ZFHX3: variants seen among roughly 807,000 people sequenced by gnomAD.
ZFHX3 encodes zinc finger homeobox protein 3.
ZFHX3 carries 42 observed loss-of-function variants against 279.1 expected under a neutral mutation model. That is an observed-to-expected ratio of 0.15 (90% confidence interval 0.12 to 0.19). The LOEUF (loss-of-function observed/expected upper bound fraction) is 0.19. Ranked by LOEUF, ZFHX3 falls within the 10% of genes least tolerant of loss-of-function variation. The pLI is 1.00. For missense variants in ZFHX3, 4,981 were observed against 4,754.0 expected (o/e 1.05, Z -1.40); for synonymous variants, 2,293 against 1,957.8 (o/e 1.17, Z -4.52).
At chr16:72,960,215 G>A in intron 1 of ZFHX3, 21 bp from the exon 2 acceptor site, 2 of 1,480,574 alleles carry the variant, frequency 1.4e-6, no homozygotes, top group Non-Finnish European at 1.8e-6. Context: ...GAGGCAAGGG[G>A]GGAGGAGGGA....
intron 1 of ZFHX3, among the ~76,000 whole-genome samples, chr16:73,868,193 A>T (rs972032394): frequency 1.8e-4 from 28 of 152,258 alleles, no homozygotes; most frequent in African/African-American, 6.8e-4. Flanking sequence ...CCTGATGGTG[A>T]AATCTACAGT....
In ZFHX3 at chr16:72,934,278, GT is replaced by G. The variant is rs1222787506; in HGVS notation, c.3216+16190del. On this transcript the variant is annotated intron_variant, in intron 3 of 9. Coordinates refer to ENST00000268489, the MANE Select transcript of ZFHX3 (RefSeq NM_006885.4). ...CGTGTCTGTTAAAAATACAAAAAAAGTTAGCCGGGCCTGGTGGCGGGCGCCT... is the reference window on the plus strand; with the variant it reads ...CGTGTCTGTTAAAAATACAAAAAAAGTAGCCGGGCCTGGTGGCGGGCGCCT... Among the ~76,000 whole-genome samples the G allele has an allele frequency of 6.6e-5, 10 of 151,980 alleles. 1 individual carries two copies. In the East Asian group the frequency reaches 1.8e-3, roughly 27 times the overall value.
In ZFHX3 at chr16:73,732,229, A is replaced by G. The variant is rs548251476; in HGVS notation, c.-1607-51989T>C. 3.3e-5 allele frequency among the ~76,000 whole-genome samples: 5 copies of G among 152,316 alleles called. No homozygotes were observed. In the South Asian group the frequency reaches 1.0e-3, roughly 32 times the overall value. On this transcript the variant is annotated intron_variant, in intron 1 of 17. Coordinates refer to the ZFHX3 transcript ENST00000641206. ...AGGAAGGTTGACTCCGAATTTCAACACTTACTATTAACACCCAGGCTTTGT... is the reference window on the plus strand; with the variant it reads ...AGGAAGGTTGACTCCGAATTTCAACGCTTACTATTAACACCCAGGCTTTGT...
intron 3 of ZFHX3, among the ~76,000 whole-genome samples, chr16:72,925,557 C>T (rs967320046): frequency 2.6e-5 from 4 of 152,234 alleles, no homozygotes; most frequent in African/African-American, 9.6e-5. Flanking sequence ...GGTCACATTT[C>T]CCAGGTTTGC....
chr16:73,264,925 C>A (rs1451655730), intron 4 of ZFHX3, among the ~76,000 whole-genome samples: 1 of 151,420 alleles, frequency 6.6e-6, no homozygotes, highest in Admixed American at 6.6e-5. Flanking sequence ...CTTTTTATGG[C>A]TGAGTAGTAT....
intron 1 of ZFHX3, among the ~76,000 whole-genome samples, chr16:73,025,392 G>A (rs1295660635): frequency 6.6e-6 from 1 of 152,174 alleles, no homozygotes; most frequent in Non-Finnish European, 1.5e-5. Flanking sequence ...TGGATTTGAT[G>A]TCAAGTGTCA....
At chr16:73,163,478 C>G (rs555381349) in intron 5 of ZFHX3, among the ~76,000 whole-genome samples, 1 of 152,306 alleles carries the variant, frequency 6.6e-6, no homozygotes, top group African/African-American at 2.4e-5. Flanking sequence ...TTGATGTATT[C>G]TCTATGATGC....
chr16:73,068,066 G>C (rs1422321877), intron 8 of ZFHX3, among the ~76,000 whole-genome samples: 1 of 152,136 alleles, frequency 6.6e-6, no homozygotes, highest in Non-Finnish European at 1.5e-5. Context: ...TTAGCTCCCT[G>C]CCAGGCACTT....
intron 4 of ZFHX3, among the ~76,000 whole-genome samples, chr16:73,296,877 ATTT>A (rs201366558): frequency 0.023 from 2,629 of 116,104 alleles, 222 homozygotes; most frequent in African/African-American, 0.086. Flanking sequence ...TGAAGCAGGA[ATTT>A]TTTTTTTTTT....
In ZFHX3 at chr16:73,673,133, TA is replaced by T. The variant is rs561115223; in HGVS notation, c.-1547+7046del. 2.6e-5 allele frequency among the ~76,000 whole-genome samples: 4 copies of T among 152,198 alleles called. No homozygotes were observed. The South Asian group carries it at 8.3e-4, about 32-fold the overall frequency. On this transcript the variant is annotated intron_variant, in intron 2 of 17. Coordinates refer to the ZFHX3 transcript ENST00000641206. Reference sequence around the variant, plus strand: ...GTTTAGTTCAAATTAATATATTAAATAAAACTGTTTTTCAAAAGGCAAGGGA... The same window carrying T: ...GTTTAGTTCAAATTAATATATTAAATAAACTGTTTTTCAAAAGGCAAGGGA...
intron 5 of ZFHX3, among the ~76,000 whole-genome samples, chr16:72,824,676 T>C (rs1451865499): frequency 1.3e-5 from 2 of 152,198 alleles, no homozygotes; most frequent in Non-Finnish European, 2.9e-5. Context: ...AATAACCATC[T>C]TGCTATGATT....
At chr16:73,594,056 A>G (rs1469622370) in intron 2 of ZFHX3, among the ~76,000 whole-genome samples, 1 of 152,190 alleles carries the variant, frequency 6.6e-6, no homozygotes, top group Non-Finnish European at 1.5e-5. Flanking sequence ...AAGCGGTGTG[A>G]AAGGTAAAAA....
chr16:73,792,861 C>G (rs1392078306), intron 1 of ZFHX3, among the ~76,000 whole-genome samples: 1 of 146,362 alleles, frequency 6.8e-6, no homozygotes, highest in Non-Finnish European at 1.5e-5. Context: ...AGTGCACCCC[C>G]CCCCTCCCCT....
At chr16:73,416,135 A>AAC (rs1416840976) in intron 3 of ZFHX3, among the ~76,000 whole-genome samples, 4 of 150,742 alleles carry the variant, frequency 2.7e-5, no homozygotes, top group South Asian at 2.1e-4. Flanking sequence ...AAAAAAAAAA[A>AAC]AAACAAAAAA....
intron 1 of ZFHX3, among the ~76,000 whole-genome samples, chr16:73,842,790 C>G (rs115326102): frequency 3.9e-5 from 6 of 152,130 alleles, no homozygotes; most frequent in Non-Finnish European, 8.8e-5. Context: ...GGTAGATACC[C>G]GACTTTGTTT....
intron 4 of ZFHX3, among the ~76,000 whole-genome samples, chr16:73,274,036 C>T (rs867511682): frequency 3.9e-5 from 6 of 152,016 alleles, no homozygotes; most frequent in East Asian, 3.9e-4. Context: ...CCCAGCTACT[C>T]GGGAGGCTGA....
At chr16:73,160,242 T>C (rs1046817449) in intron 5 of ZFHX3, among the ~76,000 whole-genome samples, 31 of 152,210 alleles carry the variant, frequency 2.0e-4, no homozygotes, top group African/African-American at 6.8e-4. Flanking sequence ...ACCCTTCTGA[T>C]GCTGAAGCAG....
intron 5 of ZFHX3, among the ~76,000 whole-genome samples, chr16:73,192,408 C>T (rs1052094957): frequency 3.3e-5 from 5 of 152,154 alleles, no homozygotes; most frequent in African/African-American, 7.2e-5. Context: ...GACTTCTCCC[C>T]TCCCCGGGAC....
chr16:73,434,791 G>T (rs2017968895), intron 3 of ZFHX3, among the ~76,000 whole-genome samples: 1 of 152,146 alleles, frequency 6.6e-6, no homozygotes, highest in African/African-American at 2.4e-5. Flanking sequence ...GACTTCAACA[G>T]TCCTCTAAGT....
Sources: gnomAD v4.1 joint callset for allele counts (sites outside exome capture counted in the v4.1 genomes callset) on GRCh38, gnomAD v4.1.1 for gene constraint, MANE v1.5 for transcripts, NCBI Gene and HGNC (gene_info 2026-07-23, HGNC 2026-07-21) for gene names.